Variants in NR3C2 observed in about 807,000 individuals in gnomAD.
NR3C2 encodes nuclear receptor subfamily 3 group C member 2.
A neutral mutation model predicts 86.4 loss-of-function variants in NR3C2; 15 were observed. The ratio of observed to expected loss-of-function variants is 0.17; its 90% CI spans 0.12 to 0.27. The LOEUF is 0.27. Among genes scored for constraint, NR3C2 ranks in the 10% least tolerant of loss-of-function variants. The pLI, the probability that NR3C2 is intolerant of heterozygous loss-of-function variation, is 1.00. For synonymous variants in NR3C2, 458 were observed against 450.5 expected (o/e 1.02, Z -0.21); for missense variants, 960 against 1,195.6 (o/e 0.80, Z 2.91).
chr4:148,416,862 A>G (rs1380188480), intron 2 of NR3C2, among the ~76,000 whole-genome samples: 2 of 151,714 alleles, frequency 1.3e-5, no homozygotes, highest in Admixed American at 6.6e-5. Flanking sequence ...TGCAACCTCT[A>G]TCTCCTGGGT....
chr4:148,312,860 A>G (rs1193369862), intron 2 of NR3C2, among the ~76,000 whole-genome samples: 2 of 152,182 alleles, frequency 1.3e-5, no homozygotes, highest in Non-Finnish European at 1.5e-5. Context: ...TGGGAAAAGC[A>G]TATGTCTTTA....
At chr4:148,258,580 G>A (rs992639260) in intron 3 of NR3C2, among the ~76,000 whole-genome samples, 25 of 152,320 alleles carry the variant, frequency 1.6e-4, no homozygotes, top group African/African-American at 5.5e-4. Flanking sequence ...GTGGGCATGT[G>A]AGCCAAGTTC....
intron 2 of NR3C2, among the ~76,000 whole-genome samples, chr4:148,406,851 G>A (rs1293144121): frequency 1.3e-5 from 2 of 152,124 alleles, no homozygotes; most frequent in African/African-American, 2.4e-5. Context: ...CCTAGAAAAC[G>A]CAAAGTCCAG....
chr4:148,195,399 T>C (rs1050409154), intron 3 of NR3C2, among the ~76,000 whole-genome samples: 27 of 152,154 alleles, frequency 1.8e-4, no homozygotes, highest in African/African-American at 6.5e-4. Flanking sequence ...ATTGGCAAAA[T>C]ATGAAATTGT....
chr4:148,091,217 G>A (rs1191066469), intron 8 of NR3C2, among the ~76,000 whole-genome samples: 2 of 152,264 alleles, frequency 1.3e-5, no homozygotes, highest in South Asian at 4.1e-4. Flanking sequence ...ACATCTGTGA[G>A]AATCCAAGCG....
chr4:148,177,492 T>C (rs1388833693), intron 4 of NR3C2, among the ~76,000 whole-genome samples: 1 of 152,126 alleles, frequency 6.6e-6, no homozygotes, highest in Non-Finnish European at 1.5e-5. Flanking sequence ...CATAATTCAG[T>C]GTGAAAATGG....
rs545414491 is a variant in NR3C2 at position 148,282,255 on chromosome 4, C to T, written c.1758-22138G>A. Among the ~76,000 whole-genome samples the T allele has an allele frequency of 1.7e-4, 26 of 152,274 alleles. No homozygotes were observed. The East Asian group carries it at 2.5e-3, about 15-fold the overall frequency. On this transcript the variant is annotated intron_variant, in intron 2 of 8. Transcript: ENST00000358102. ...ATGTTGACCAGGCTGGTATCAAACT[C>T]GTGGCCTCAAGTGATCCGCCTGCCT...
At chr4:148,239,828 T>C (rs1270140016) in intron 3 of NR3C2, among the ~76,000 whole-genome samples, 1 of 152,134 alleles carries the variant, frequency 6.6e-6, no homozygotes, top group Non-Finnish European at 1.5e-5. Flanking sequence ...CTTTTCGAAG[T>C]TTTTGTGGAC....
At chr4:148,302,871 T>TA (rs1168015586) in intron 2 of NR3C2, among the ~76,000 whole-genome samples, 7 of 146,212 alleles carry the variant, frequency 4.8e-5, no homozygotes, top group African/African-American at 1.8e-4. Flanking sequence ...AAAAAAAAGT[T>TA]ACTTTCCAGC....
chr4:148,215,363 C>A (rs1737478509), intron 3 of NR3C2, among the ~76,000 whole-genome samples: 1 of 152,184 alleles, frequency 6.6e-6, no homozygotes. Context: ...AGGCGTTTAT[C>A]CATGAACTGC....
intron 3 of NR3C2, among the ~76,000 whole-genome samples, chr4:148,247,933 C>G (rs1445080547): frequency 6.6e-6 from 1 of 152,066 alleles, no homozygotes; most frequent in Admixed American, 6.6e-5. Context: ...TAGCTCTGGT[C>G]TGTCAGATGC....
At chr4:148,102,676 G>A (rs767384991) in intron 8 of NR3C2, among the ~76,000 whole-genome samples, 1 of 152,136 alleles carries the variant, frequency 6.6e-6, no homozygotes, top group Non-Finnish European at 1.5e-5. Flanking sequence ...TCCCAACTGG[G>A]ACGCTGCCTC....
chr4:148,256,531 A>G (rs1441368181), intron 3 of NR3C2, among the ~76,000 whole-genome samples: 1 of 152,158 alleles, frequency 6.6e-6, no homozygotes, highest in African/African-American at 2.4e-5. Context: ...TTCTCCATTT[A>G]TAGACAAAGA....
At chr4:148,217,079 T>C (rs915907213) in intron 3 of NR3C2, among the ~76,000 whole-genome samples, 7 of 152,206 alleles carry the variant, frequency 4.6e-5, no homozygotes, top group Non-Finnish European at 8.8e-5. Context: ...ACTTAAGAAC[T>C]TTATATAGTA....
chr4:148,111,690 G>A (rs1335269677), intron 8 of NR3C2, among the ~76,000 whole-genome samples: 2 of 152,146 alleles, frequency 1.3e-5, no homozygotes, highest in Non-Finnish European at 2.9e-5. Context: ...TGGAATGAGT[G>A]AATCTCAACG....
At chr4:148,349,174 A>C (rs1309419523) in intron 2 of NR3C2, among the ~76,000 whole-genome samples, 2 of 152,094 alleles carry the variant, frequency 1.3e-5, no homozygotes, top group African/African-American at 2.4e-5. Context: ...TTAACCCAGA[A>C]CCTGACACAG....
At chr4:148,326,425 TAA>T (rs1561044526) in intron 2 of NR3C2, among the ~76,000 whole-genome samples, 137 of 147,414 alleles carry the variant, frequency 9.3e-4, no homozygotes, top group African/African-American at 3.5e-3. Flanking sequence ...ATAAATAAAA[TAA>T]AAAATAAAAA....
intron 2 of NR3C2, among the ~76,000 whole-genome samples, chr4:148,347,622 TG>T (rs1302190455): frequency 6.6e-6 from 1 of 152,130 alleles, no homozygotes; most frequent in Non-Finnish European, 1.5e-5. Flanking sequence ...AATAAACATT[TG>T]CACACTGTTT....
chr4:148,367,594 T>C (rs978658245), intron 2 of NR3C2, among the ~76,000 whole-genome samples: 1 of 152,086 alleles, frequency 6.6e-6, no homozygotes, highest in Non-Finnish European at 1.5e-5. Flanking sequence ...GATGAGACCA[T>C]CAGATTGAGT....
Sources: gnomAD v4.1 joint callset for allele counts (sites outside exome capture counted in the v4.1 genomes callset) on GRCh38, gnomAD v4.1.1 for gene constraint, MANE v1.5 for transcripts, NCBI Gene and HGNC (gene_info 2026-07-23, HGNC 2026-07-21) for gene names.